ZNF790: variants seen among roughly 807,000 people sequenced by gnomAD.
ZNF790 encodes the protein zinc finger protein 790.
A neutral mutation model predicts 12.1 loss-of-function variants in ZNF790; 8 were observed. The ratio of observed to expected loss-of-function variants is 0.66; its 90% CI spans 0.39 to 1.19. The LOEUF (loss-of-function observed/expected upper bound fraction) is 1.19, where lower values mean the gene tolerates loss of function less well. ZNF790 is among the 50% of genes most tolerant of loss of function. ZNF790 has a pLI of 0.01. For missense variants in ZNF790, 707 were observed against 752.2 expected, an observed-to-expected ratio of 0.94 and a Z score of 0.70; for synonymous variants, 252 against 244.3, an observed-to-expected ratio of 1.03 and a Z score of -0.29.
rs867033786 is a variant in ZNF790, at chr19:36,845,125, A to C, written c.-74+4877T>G. On this transcript the variant is annotated intron_variant, in intron 1 of 4. Transcript: ENST00000528994. Reference sequence around the variant, plus strand: ...AAGAACAAGATCTCAGATGAAACAGAAAGAAATTTAGGCCAGGCACAGTGG... The same window carrying C: ...AAGAACAAGATCTCAGATGAAACAGCAAGAAATTTAGGCCAGGCACAGTGG... Among the ~76,000 whole-genome samples the C allele has an allele frequency of 1.4e-4, 21 of 151,870 alleles. No homozygotes were observed. The South Asian group carries it at 1.5e-3, about 11-fold the overall frequency.
At chr19:36,820,158 A>G (rs2071636616) in intron 4 of ZNF790, 44 bp from the exon 5 acceptor site, 2 of 1,545,354 alleles carry the variant, frequency 1.3e-6, no homozygotes. Context: ...TGTATGTACA[A>G]AAAGCAATAC....
chr19:36,847,053 T>G (rs1410187217), intron 1 of ZNF790, among the ~76,000 whole-genome samples: 1 of 152,194 alleles, frequency 6.6e-6, no homozygotes, highest in Non-Finnish European at 1.5e-5. Flanking sequence ...CAGAGTATTT[T>G]CTGTTAAAAC....
intron 1 of ZNF790, among the ~76,000 whole-genome samples, chr19:36,846,613 GT>G (rs1252352784): frequency 6.6e-6 from 1 of 152,144 alleles, no homozygotes; most frequent in Admixed American, 6.6e-5. Flanking sequence ...AAATACAATG[GT>G]TGACAGGAAC....
At chr19:36,826,366 C>T (rs540324778) in intron 1 of ZNF790, among the ~76,000 whole-genome samples, 135 of 151,942 alleles carry the variant, frequency 8.9e-4, no homozygotes, top group African/African-American at 3.1e-3. Flanking sequence ...GGGCAGATCA[C>T]GAGGTCAGGA....
intron 1 of ZNF790, among the ~76,000 whole-genome samples, chr19:36,826,367 G>C (rs879668401): frequency 2.0e-5 from 3 of 151,844 alleles, no homozygotes; most frequent in Non-Finnish European, 1.5e-5. Flanking sequence ...GGCAGATCAC[G>C]AGGTCAGGAG....
At chr19:36,845,343 G>A (rs1387896164) in intron 1 of ZNF790, among the ~76,000 whole-genome samples, 2 of 151,646 alleles carry the variant, frequency 1.3e-5, no homozygotes, top group Admixed American at 1.3e-4. Context: ...TTGAGCCTGG[G>A]AGGTCGAGGC....
exon 1 of ZNF790, chr19:36,850,258 T>A (rs913031010): frequency 6.6e-6 from 1 of 152,268 alleles, no homozygotes; most frequent in East Asian, 1.9e-4. Flanking sequence ...TGGGCCCATC[T>A]ATCCCCGGCG....
upstream of ZNF790, among the ~76,000 whole-genome samples, chr19:36,842,507 A>G (rs1259156451): frequency 6.6e-6 from 1 of 152,150 alleles, no homozygotes; most frequent in African/African-American, 2.4e-5. Flanking sequence ...TGGAAATAAT[A>G]AGTTTTAAAT....
intron 4 of ZNF790, among the ~76,000 whole-genome samples, chr19:36,822,682 A>G (rs1363340154): frequency 6.6e-6 from 1 of 152,124 alleles, no homozygotes; most frequent in Admixed American, 6.5e-5. Flanking sequence ...CTGGGACTAC[A>G]GGTGTGTGTC....
At position 36,818,424 on chromosome 19, in the gene ZNF790, TATA is replaced by T. The variant is rs774230837; in HGVS notation, c.*6_*8del. On this transcript the variant is annotated 3_prime_UTR_variant, in exon 5 of 5. Coordinates refer to ENST00000356725, the MANE Select transcript of ZNF790 (RefSeq NM_206894.4). The stretch of plus-strand genomic sequence containing the variant: ...GAATAAAGCCCTTCCTACACTTTTA[TATA>T]ATATTTCACAAGAGTGAAATGAAGT... 18 of 1,521,090 alleles carry T rather than the reference TATA, an allele frequency of 1.2e-5. No homozygotes were observed. Among genetic ancestry groups the T allele is most frequent in the East Asian group, 2.3e-5 (1 of 43,952 alleles). 94.2% of individuals were successfully genotyped at this position (1,521,090 alleles called of 1,614,324 possible). A position where few individuals can be genotyped will look rare whatever the true frequency, so the allele number is the denominator to read the frequency against.
intron 1 of ZNF790, among the ~76,000 whole-genome samples, chr19:36,843,466 G>A (rs112837873): frequency 1.5e-4 from 23 of 152,160 alleles, no homozygotes; most frequent in African/African-American, 4.8e-4. Flanking sequence ...GATGGGCTAC[G>A]TCCTAGGAGC....
chr19:36,836,570 G>C (rs1184847258), intron 1 of ZNF790, among the ~76,000 whole-genome samples: 1 of 152,024 alleles, frequency 6.6e-6, no homozygotes, highest in Admixed American at 6.5e-5. Context: ...CATCCTGGCC[G>C]ACACGGTGAA....
In ZNF790 at chr19:36,819,837, C is replaced by T; in HGVS notation, c.507G>A (p.Leu169=). Reference sequence around the variant, plus strand: ...CTTTCCCCAGTTCTTTAAATTCATTCAGTTTGTCTCCTGTATTAAGTCTCT... The same window carrying T: ...CTTTCCCCAGTTCTTTAAATTCATTTAGTTTGTCTCCTGTATTAAGTCTCT... ...LHQRLNTGDK[L]NEFKELGKAF... Residue 169 remains leucine (L), a synonymous_variant, in exon 5 of 5, where the codon CTG becomes CTA. Transcript: ENST00000356725. 6.2e-7 allele frequency: 1 copy of T among 1,613,716 alleles called. No homozygotes were observed. Among genetic ancestry groups the T allele is most frequent in the Non-Finnish European group, 8.5e-7 (1 of 1,179,782 alleles).
intron 4 of ZNF790, among the ~76,000 whole-genome samples, 174 bp from the exon 5 acceptor site, chr19:36,820,288 GAAAT>G (rs781048042): frequency 3.4e-4 from 52 of 152,220 alleles, no homozygotes; most frequent in Non-Finnish European, 3.5e-4. Context: ...AAATTTAAAA[GAAAT>G]AAAAGTTGAG....
intron 1 of ZNF790, among the ~76,000 whole-genome samples, chr19:36,830,469 A>G (rs1052053349): frequency 1.3e-5 from 2 of 152,182 alleles, no homozygotes; most frequent in Non-Finnish European, 2.9e-5. Context: ...TTACACCCAT[A>G]TTCTTATGAG....
intron 1 of ZNF790, among the ~76,000 whole-genome samples, chr19:36,844,393 T>C (rs1318084545): frequency 6.9e-6 from 1 of 144,736 alleles, no homozygotes. Context: ...AAGCAAACAA[T>C]AGAAATAGAC....
At chr19:36,833,489 TA>T (rs2071982908) in intron 1 of ZNF790, among the ~76,000 whole-genome samples, 1 of 151,838 alleles carries the variant, frequency 6.6e-6, no homozygotes, top group East Asian at 1.9e-4. Flanking sequence ...AAAGAAGACC[TA>T]AACAAATGAA....
Position 36,819,373 on chromosome 19 carries a change from T to A in ZNF790, c.971A>T (p.His324Leu), listed in dbSNP as rs759439772. ...ECRKAFSQRS[H>L]LIKHQRIHTG... ...GTGAATTCTCTGATGTTTAATAAGA[T>A]GTGATCGCTGACTAAAGGCCTTTCT... Residue 324 changes from histidine to leucine, a missense_variant, in exon 5 of 5, where the codon CAT becomes CTT. Coordinates refer to ENST00000356725, the MANE Select transcript of ZNF790 (RefSeq NM_206894.4). 3.1e-5 allele frequency: 50 copies of A among 1,613,204 alleles called. No homozygotes were observed. Among genetic ancestry groups the A allele is most frequent in the Non-Finnish European group, 3.6e-5 (42 of 1,179,546 alleles).
At chr19:36,833,614 A>G (rs2071984778) in intron 1 of ZNF790, among the ~76,000 whole-genome samples, 1 of 152,242 alleles carries the variant, frequency 6.6e-6, no homozygotes, top group African/African-American at 2.4e-5. Context: ...TATACCATGC[A>G]AATCATAATC....
Sources: gnomAD v4.1 joint callset for allele counts (sites outside exome capture counted in the v4.1 genomes callset) on GRCh38, gnomAD v4.1.1 for gene constraint, MANE v1.5 for transcripts, NCBI Gene and HGNC (gene_info 2026-07-23, HGNC 2026-07-21) for gene names.